The following DNAH9 variants were observed in gnomAD, a reference collection of about 807,000 sequenced individuals.
DNAH9 encodes DNAH9 variant protein.
Under a neutral mutation model 471.6 loss-of-function variants are expected in DNAH9, and 345 were observed. That is an observed-to-expected ratio of 0.73 (90% CI 0.67 to 0.80). The LOEUF is 0.80. Among genes scored for constraint, DNAH9 ranks in the 30% least tolerant of loss-of-function variants. The pLI, the probability that DNAH9 is intolerant of heterozygous loss-of-function variation, is 0.00. For synonymous variants in DNAH9, 2,093 were observed against 2,123.6 expected (o/e 0.99, Z 0.40); for missense variants, 5,407 against 5,609.2 (o/e 0.96, Z 1.15).
chr17:11,816,848 G>C (rs1388915902), intron 45 of DNAH9, among the ~76,000 whole-genome samples: 2 of 152,110 alleles, frequency 1.3e-5, no homozygotes, highest in Non-Finnish European at 2.9e-5. Flanking sequence ...AAAGTACTTG[G>C]AGTTACAAAT....
At chr17:11,599,027 T>A in intron 1 of DNAH9, 112 bp downstream of exon 1, 2 of 907,888 alleles carry the variant, frequency 2.2e-6, no homozygotes, top group South Asian at 2.1e-5. Context: ...GCAGGGGAGG[T>A]CCAAGAGGCG....
At chr17:11,708,990 T>TA (rs1362005140) in intron 26 of DNAH9, among the ~76,000 whole-genome samples, 1 of 152,176 alleles carries the variant, frequency 6.6e-6, no homozygotes, top group African/African-American at 2.4e-5. Flanking sequence ...GCCTTCAGAA[T>TA]ATTTCCATCC....
intron 35 of DNAH9, among the ~76,000 whole-genome samples, chr17:11,763,044 G>C (rs1043608696): frequency 6.6e-6 from 1 of 152,028 alleles, no homozygotes; most frequent in Admixed American, 6.6e-5. Context: ...CTCCCAAAGT[G>C]CTGGGATTAC....
At chr17:11,692,176 T>G (rs1240935468) in intron 20 of DNAH9, among the ~76,000 whole-genome samples, 1 of 151,246 alleles carries the variant, frequency 6.6e-6, no homozygotes, top group Non-Finnish European at 1.5e-5. Flanking sequence ...TGGGCTTGAG[T>G]CCTCATTCTC....
intron 19 of DNAH9, among the ~76,000 whole-genome samples, chr17:11,689,157 G>T (rs904894073): frequency 6.6e-6 from 1 of 152,020 alleles, no homozygotes; most frequent in African/African-American, 2.4e-5. Context: ...TCCTGGCAAG[G>T]CCCTTGGCTT....
chr17:11,766,723 G>A (rs983238799), intron 36 of DNAH9, among the ~76,000 whole-genome samples: 9 of 152,216 alleles, frequency 5.9e-5, no homozygotes, highest in African/African-American at 2.2e-4. Flanking sequence ...CCAGCACTTT[G>A]GGAGGCCAAG....
chr17:11,894,664 T>C (rs1377387795), intron 59 of DNAH9, among the ~76,000 whole-genome samples, 168 bp downstream of exon 59: 2 of 152,184 alleles, frequency 1.3e-5, no homozygotes, highest in Admixed American at 1.3e-4. Flanking sequence ...TCATCTTTCC[T>C]GGGCCTGCAG....
chr17:11,910,716 T>C (rs1973767191), intron 61 of DNAH9, among the ~76,000 whole-genome samples: 2 of 152,220 alleles, frequency 1.3e-5, no homozygotes, highest in Non-Finnish European at 1.5e-5. Context: ...CCAACACTTA[T>C]TATCCATCTT....
At position 11,677,493 on chromosome 17, in the gene DNAH9, A is replaced by C. The variant is rs191459425; in HGVS notation, c.3354-2264A>C. 4.5e-3 allele frequency among the ~76,000 whole-genome samples: 680 copies of C among 152,282 alleles called. 4 individuals carry two copies. Among genetic ancestry groups the C allele is most frequent in the African/African-American group, 0.015 (633 of 41,572 alleles). ...TTCTTTGGTGACATTTGCTTAGTGC[A>C]TCTCTTCTTATCCTTTGGCTTTCAA... On this transcript the variant is annotated intron_variant, in intron 17 of 68. Transcript: ENST00000262442.
At chr17:11,742,151 G>A (rs745946500) in intron 29 of DNAH9, 24 bp from the exon 30 acceptor site, 1 of 1,612,874 alleles carries the variant, frequency 6.2e-7, no homozygotes, top group East Asian at 2.2e-5. Context: ...AAACTGACTG[G>A]GCCTTCTGTC....
chr17:11,965,202 A>C (rs1976602317), intron 68 of DNAH9, among the ~76,000 whole-genome samples: 1 of 152,220 alleles, frequency 6.6e-6, no homozygotes, highest in Non-Finnish European at 1.5e-5. Context: ...AGAGTTGAGA[A>C]GGCAGTACAC....
At chr17:11,618,057 G>A (rs931653916) in intron 5 of DNAH9, among the ~76,000 whole-genome samples, 1 of 152,290 alleles carries the variant, frequency 6.6e-6, no homozygotes, top group Non-Finnish European at 1.5e-5. Context: ...TTCCTGTTCT[G>A]TGCCTCACTC....
rs76347603 is a variant in DNAH9 at position 11,886,879 on chromosome 17, C to T, written c.11026C>T (p.Arg3676Trp). 12 of 1,612,854 alleles carry T rather than the reference C, an allele frequency of 7.4e-6. No homozygotes were observed. The African/African-American group carries it at 9.3e-5, about 13-fold the overall frequency. ...AATCAACGAGGCCCGAGAGCACTACCGGCCAGCAGCTGCCAGGGCCTCACT... is the reference window on the plus strand; with the variant it reads ...AATCAACGAGGCCCGAGAGCACTACTGGCCAGCAGCTGCCAGGGCCTCACT... Reference protein sequence around the residue: ...VKINEAREHYRPAAARASLLY... With the variant: ...VKINEAREHYWPAAARASLLY... Residue 3676 changes from arginine to tryptophan, a missense_variant, in exon 57 of 69, where the codon CGG becomes TGG. This residue lies in a region of DNAH9 where 4,636 missense variants were observed against 4,900.3 expected (regional missense o/e 0.95). Transcript: ENST00000262442.
At position 11,719,468 on chromosome 17, in the gene DNAH9, G is replaced by A. The variant is rs958618549; in HGVS notation, c.5687G>A (p.Cys1896Tyr). The change falls in exon 27 of 69, where the codon TGC becomes TAC. Residue 1896 changes from cysteine to tyrosine, a missense_variant. Physicochemically the swap from Cys to Tyr is radical, Grantham distance 194 (BLOSUM62 -2). This residue lies in a region of DNAH9 where 4,636 missense variants were observed against 4,900.3 expected (regional missense o/e 0.95). Transcript: ENST00000262442. ...GGCATCCTGGTCTATGTGTTCAACTGCTCGGAGCAGATGGATTACAAGGTA... is the reference window on the plus strand; with the variant it reads ...GGCATCCTGGTCTATGTGTTCAACTACTCGGAGCAGATGGATTACAAGGTA... ...ALGILVYVFN[C>Y]SEQMDYKSCG... 3.7e-6 allele frequency: 6 copies of A among 1,613,440 alleles called. No individual in the cohort carries two copies. Among genetic ancestry groups the A allele is most frequent in the African/African-American group, 2.7e-5 (2 of 74,852 alleles).
At chr17:11,628,690 C>G (rs113979085) in intron 6 of DNAH9, among the ~76,000 whole-genome samples, 2 of 152,176 alleles carry the variant, frequency 1.3e-5, no homozygotes, top group Non-Finnish European at 2.9e-5. Flanking sequence ...CCGTCAACAT[C>G]CCTTAGGATT....
chr17:11,604,056 A>G (rs1258240570), intron 1 of DNAH9, among the ~76,000 whole-genome samples: 1 of 147,778 alleles, frequency 6.8e-6, no homozygotes, highest in Admixed American at 6.8e-5. Flanking sequence ...GAAGTCTCGC[A>G]CTGTCACCCA....
intron 12 of DNAH9, 126 bp from the exon 13 acceptor site, chr17:11,650,943 G>A (rs2073493790): frequency 2.1e-6 from 2 of 952,522 alleles, no homozygotes; most frequent in East Asian, 4.9e-5. Context: ...GAAACTGATA[G>A]GAGCAGAACT....
rs1332783804 is a variant in DNAH9, at chr17:11,640,387, G to A, written c.1901+3G>A. On this transcript the variant is annotated splice_donor_region_variant and intron_variant, in intron 10 of 68. Coordinates refer to ENST00000262442, the MANE Select transcript of DNAH9 (RefSeq NM_001372.4). ...AACTTTGGACGCATCACACACCCGTGAGTATTGTGTTCCTGAAAGACAGGC... is the reference window on the plus strand; with the variant it reads ...AACTTTGGACGCATCACACACCCGTAAGTATTGTGTTCCTGAAAGACAGGC... The A allele has an allele frequency of 1.9e-6, 3 of 1,585,810 alleles. No homozygotes were observed. Among genetic ancestry groups the A allele is most frequent in the African/African-American group, 2.7e-5 (2 of 74,334 alleles).
chr17:11,598,791 CT>C lies in DNAH9; in HGVS notation c.294del (p.Lys99ArgfsTer35). On this transcript the variant is annotated frameshift_variant, in exon 1 of 69. Transcript: ENST00000262442. LOFTEE classifies it high-confidence loss of function. ...GGACCTGAGTCGGGCCTGGCTGGCG[CT>C]AAGGCGCTTTTTTTCCTTCGCACCG... Reference protein sequence around the residue: ...EVGPESGLAGAKALFFLRTGP... With the variant: ...EVGPESGLAGXKALFFLRTGP... 1 of 1,476,700 alleles carries C rather than the reference CT, an allele frequency of 6.8e-7. No homozygotes were observed. Among genetic ancestry groups the C allele is most frequent in the Non-Finnish European group, 8.9e-7 (1 of 1,117,368 alleles). 91.5% of individuals were successfully genotyped at this position (1,476,700 alleles called of 1,614,324 possible).
Sources: allele counts gnomAD v4.1 joint callset (sites outside exome capture counted in the v4.1 genomes callset), GRCh38; gene constraint gnomAD v4.1.1; regional missense constraint gnomAD v4.1.1; transcripts MANE v1.5; gene names NCBI Gene and HGNC (gene_info 2026-07-23, HGNC 2026-07-21).